Variants in LYZL4 observed in about 807,000 individuals in gnomAD.
The protein encoded by LYZL4 is lysozyme like 4, also known as lysozyme-like protein 4.
LYZL4 carries 13 observed loss-of-function variants against 17.6 expected under a neutral mutation model. The observed-to-expected ratio is 0.74, with a 90% CI of 0.48 to 1.18. The LOEUF (loss-of-function observed/expected upper bound fraction) is 1.18. Among genes scored for constraint, LYZL4 ranks in the 50% most tolerant of loss-of-function variants. The pLI is 0.00. For synonymous variants in LYZL4, 64 were observed against 67.7 expected (o/e 0.95, Z 0.27); for missense variants, 174 against 188.2 (o/e 0.92, Z 0.44).
At chr3:42,370,270 T>G in the LYZL4 span, among the ~76,000 whole-genome samples, 1 of 151,438 alleles carries the variant, frequency 6.6e-6, no homozygotes, top group African/African-American at 2.4e-5. Flanking sequence ...CCCACCCCCT[T>G]CCCACACAGA....
the LYZL4 span, among the ~76,000 whole-genome samples, chr3:42,378,477 T>C: frequency 2.0e-5 from 3 of 152,250 alleles, no homozygotes; most frequent in African/African-American, 7.2e-5. Flanking sequence ...AGACGATCTC[T>C]AATCCCTGAA....
the LYZL4 span, among the ~76,000 whole-genome samples, chr3:42,373,249 A>G: frequency 6.6e-6 from 1 of 152,132 alleles, no homozygotes; most frequent in Non-Finnish European, 1.5e-5. Context: ...CAAAACCTAA[A>G]AGCTTGGAGC....
the LYZL4 span, among the ~76,000 whole-genome samples, chr3:42,365,713 AC>A: frequency 6.6e-6 from 1 of 152,154 alleles, no homozygotes; most frequent in East Asian, 1.9e-4. Context: ...TACTACTACT[AC>A]AGGGGAATGG....
intron 1 of LYZL4, among the ~76,000 whole-genome samples, chr3:42,410,088 T>C (rs1402362689): frequency 6.6e-6 from 1 of 152,194 alleles, no homozygotes; most frequent in Middle Eastern, 3.2e-3. Flanking sequence ...CGGTCTTTAT[T>C]TTCTTCATAC....
At chr3:42,392,515 G>C (rs183792041), downstream of LYZL4, among the ~76,000 whole-genome samples, 6 of 152,288 alleles carry the variant, frequency 3.9e-5, no homozygotes, top group Non-Finnish European at 8.8e-5. Context: ...GATTTTGTGG[G>C]ATTTTTTCTT....
At chr3:42,396,564 T>C (rs1577149701), downstream of LYZL4, among the ~76,000 whole-genome samples, 2 of 152,230 alleles carry the variant, frequency 1.3e-5, no homozygotes, top group Admixed American at 1.3e-4. Flanking sequence ...TATCATGGCA[T>C]TTTTGAAAAA....
At chr3:42,406,003 C>T (rs891835420) in intron 3 of LYZL4, among the ~76,000 whole-genome samples, 1 of 152,146 alleles carries the variant, frequency 6.6e-6, no homozygotes, top group African/African-American at 2.4e-5. Context: ...TCAATAAATG[C>T]TCACGCAGTT....
chr3:42,369,674 A>G, the LYZL4 span, among the ~76,000 whole-genome samples: 1 of 152,186 alleles, frequency 6.6e-6, no homozygotes, highest in African/African-American at 2.4e-5. Flanking sequence ...AAACTTTGGG[A>G]GCTTTGCTCC....
downstream of LYZL4, among the ~76,000 whole-genome samples, chr3:42,393,707 T>A (rs1179530552): frequency 6.6e-6 from 1 of 152,150 alleles, no homozygotes; most frequent in East Asian, 1.9e-4. Context: ...AAACACAGAT[T>A]CCCTGGACCA....
the LYZL4 span, among the ~76,000 whole-genome samples, chr3:42,371,202 T>G: frequency 6.6e-6 from 1 of 152,228 alleles, no homozygotes; most frequent in Non-Finnish European, 1.5e-5. Flanking sequence ...CCTATCTTTC[T>G]CTAAAGAGCT....
chr3:42,407,245 C>T lies in LYZL4; in HGVS notation c.7G>A (p.Ala3Thr), dbSNP rs573023624. The change falls in exon 2 of 5, where the codon GCA becomes ACA. Residue 3 changes from alanine to threonine, a missense_variant. Coordinates refer to ENST00000287748, the MANE Select transcript of LYZL4 (RefSeq NM_144634.4). The part of the protein sequence containing the change: MK[A>T]SVVLSLLGYL... ...CCAAGGAGGGAGAGAACCACGGATG[C>T]CTTCATCTTCTCCAGGCTCCTGGCA... is the stretch of plus-strand genomic sequence containing the variant. The T allele has an allele frequency of 6.2e-7, 1 of 1,614,158 alleles. No individual in the cohort carries two copies. The highest frequency in any genetic ancestry group is 8.5e-7 in the Non-Finnish European group (1 of 1,180,026).
the LYZL4 span, among the ~76,000 whole-genome samples, chr3:42,381,026 C>T: frequency 6.6e-6 from 1 of 152,292 alleles, no homozygotes; most frequent in African/African-American, 2.4e-5. Flanking sequence ...GCTCAGTGGT[C>T]CCAGAAAAGT....
chr3:42,368,212 G>A, the LYZL4 span, among the ~76,000 whole-genome samples: 1 of 152,176 alleles, frequency 6.6e-6, no homozygotes, highest in African/African-American at 2.4e-5. Flanking sequence ...GTAAACTTAT[G>A]GGGTATTTCA....
chr3:42,403,714 A>G (rs1486846743), intron 4 of LYZL4, among the ~76,000 whole-genome samples: 1 of 152,244 alleles, frequency 6.6e-6, no homozygotes, highest in African/African-American at 2.4e-5. Context: ...CCTTAAACGT[A>G]TTCAAAAACC....
At position 42,397,329 on chromosome 3, in the gene LYZL4, G is replaced by A. The variant is rs1023409390; in HGVS notation, c.377C>T (p.Thr126Ile). The A allele has an allele frequency of 3.6e-5, 56 of 1,570,818 alleles. No individual in the cohort carries two copies. Among genetic ancestry groups the A allele is most frequent in the Admixed American group, 9.2e-5 (5 of 54,424 alleles). The change falls in exon 5 of 5, where the codon ACC becomes ATC. Residue 126 changes from threonine (T) to isoleucine (I), a missense_variant. Transcript: ENST00000287748. ...KGKEGMGAWP[T>I]WSRYCQYSDT... The stretch of plus-strand genomic sequence containing the variant: ...GGAGTACTGGCAGTACCGGGACCAG[G>A]TGGGCCTGTGGAGAGAAGTGAACAG...
chr3:42,363,484 C>T, the LYZL4 span, among the ~76,000 whole-genome samples: 1 of 152,142 alleles, frequency 6.6e-6, no homozygotes, highest in African/African-American at 2.4e-5. Context: ...CAAATATAGA[C>T]AGTGTTAACA....
chr3:42,369,798 G>A, the LYZL4 span, among the ~76,000 whole-genome samples: 2 of 152,218 alleles, frequency 1.3e-5, no homozygotes, highest in Non-Finnish European at 2.9e-5. Flanking sequence ...ACCCTGGTCA[G>A]TTCTGGGGGG....
At chr3:42,408,128 C>T (rs1424156344) in intron 1 of LYZL4, among the ~76,000 whole-genome samples, 4 of 152,168 alleles carry the variant, frequency 2.6e-5, no homozygotes, top group Non-Finnish European at 4.4e-5. Context: ...TCCAACCCCC[C>T]GGGCCAACTC....
At chr3:42,370,973 A>G in the LYZL4 span, among the ~76,000 whole-genome samples, 1 of 152,192 alleles carries the variant, frequency 6.6e-6, no homozygotes, top group African/African-American at 2.4e-5. Flanking sequence ...TCCAACCGAA[A>G]CAACCTGTGT....
Sources: gnomAD v4.1 joint callset for allele counts (sites outside exome capture counted in the v4.1 genomes callset) on GRCh38, gnomAD v4.1.1 for gene constraint, MANE v1.5 for transcripts, NCBI Gene and HGNC (gene_info 2026-07-23, HGNC 2026-07-21) for gene names.